The following VEPH1 variants were observed in gnomAD, a reference collection of about 807,000 sequenced individuals.
The protein encoded by VEPH1 is ventricular zone expressed PH domain containing 1.
VEPH1 carries 80 observed loss-of-function variants against 85.2 expected under a neutral mutation model. The observed-to-expected ratio is 0.94, with a 90% CI of 0.78 to 1.13. The LOEUF is 1.13. Ranked by LOEUF, VEPH1 falls within the 50% of genes most tolerant of loss-of-function variation. VEPH1 has a pLI of 0.00. For synonymous variants in VEPH1, 297 were observed against 348.0 expected, an observed-to-expected ratio of 0.85 and a Z score of 1.63; for missense variants, 955 against 980.5, an observed-to-expected ratio of 0.97 and a Z score of 0.35.
intron 2 of VEPH1, among the ~76,000 whole-genome samples, chr3:157,479,738 C>T (rs1406557520): frequency 4.6e-5 from 7 of 152,212 alleles, no homozygotes; most frequent in Non-Finnish European, 1.0e-4. Flanking sequence ...CAGGCAATCA[C>T]TCATCTCTCT....
intron 4 of VEPH1, chr3:157,437,504 G>C (rs2109189171): frequency 6.2e-7 from 1 of 1,600,140 alleles, no homozygotes; most frequent in East Asian, 2.3e-5. Flanking sequence ...TGTGTATCCC[G>C]TACTCTAGCC....
rs115946832 is a variant in VEPH1 at position 157,300,149 on chromosome 3, G to A, written c.2010+13472C>T. On this transcript the variant is annotated intron_variant, in intron 11 of 13. Coordinates refer to ENST00000362010, the MANE Select transcript of VEPH1 (RefSeq NM_001167912.2). ...TTATTCTAATAGTATAGTGCCTGGTGTTTGTTGGCATTCACATAATATCCA... is the reference window on the plus strand; with the variant it reads ...TTATTCTAATAGTATAGTGCCTGGTATTTGTTGGCATTCACATAATATCCA... 6.3e-3 allele frequency among the ~76,000 whole-genome samples: 954 copies of A among 152,070 alleles called. 18 individuals carry two copies. The highest frequency in any genetic ancestry group is 0.022 in the African/African-American group (895 of 41,454).
chr3:157,466,086 T>C (rs984382457), intron 3 of VEPH1, among the ~76,000 whole-genome samples: 1 of 152,228 alleles, frequency 6.6e-6, no homozygotes, highest in African/African-American at 2.4e-5. Context: ...GCTATGTCAA[T>C]AATTATAATG....
chr3:157,317,920 G>GT (rs1720920792), intron 9 of VEPH1, among the ~76,000 whole-genome samples: 1 of 152,166 alleles, frequency 6.6e-6, no homozygotes. Flanking sequence ...ACTTCCACAT[G>GT]TGTTATGTGT....
At chr3:157,486,974 C>T (rs985646320) in intron 2 of VEPH1, among the ~76,000 whole-genome samples, 1 of 151,856 alleles carries the variant, frequency 6.6e-6, no homozygotes, top group Non-Finnish European at 1.5e-5. Context: ...TTAGAATTTA[C>T]AATAAAAACA....
chr3:157,334,104 A>T (rs1459720335), intron 9 of VEPH1, among the ~76,000 whole-genome samples: 1 of 152,222 alleles, frequency 6.6e-6, no homozygotes, highest in Non-Finnish European at 1.5e-5. Context: ...AAACTCATTG[A>T]CGCTCCTGTT....
intron 4 of VEPH1, among the ~76,000 whole-genome samples, chr3:157,452,540 C>T (rs1305506731): frequency 6.6e-6 from 1 of 152,150 alleles, no homozygotes; most frequent in African/African-American, 2.4e-5. Context: ...TGAGTGAGTT[C>T]CCTGGCAATA....
At chr3:157,369,198 A>AAAAAAAAAAAAAAAAAC (rs1727196307) in intron 7 of VEPH1, among the ~76,000 whole-genome samples, 1 of 148,168 alleles carries the variant, frequency 6.7e-6, no homozygotes, top group African/African-American at 2.5e-5. Flanking sequence ...AAAAAAAAAA[A>AAAAAAAAAAAAAAAAAC]AAAAAACCTC....
At position 157,339,467 on chromosome 3, in the gene VEPH1, T is replaced by G. The variant is rs181381269; in HGVS notation, c.1736-22266A>C. On this transcript the variant is annotated intron_variant, in intron 9 of 13. Transcript: ENST00000362010. ...AAGGTGGCAATCCTGTTCCTCACCC[T>G]GTGCTGTTGTTGCCAAGCACTGGGC... is the stretch of plus-strand genomic sequence containing the variant. 1.2e-4 allele frequency among the ~76,000 whole-genome samples: 18 copies of G among 152,312 alleles called. No homozygotes were observed. The East Asian group carries it at 2.5e-3, about 21-fold the overall frequency.
At chr3:157,390,691 A>C (rs1208418617) in intron 6 of VEPH1, among the ~76,000 whole-genome samples, 1 of 152,216 alleles carries the variant, frequency 6.6e-6, no homozygotes, top group African/African-American at 2.4e-5. Context: ...CTGGAGAGGA[A>C]AATGCTGGAA....
chr3:157,489,154 C>A (rs1205541179), intron 2 of VEPH1: 2 of 456,376 alleles, frequency 4.4e-6, no homozygotes, highest in African/African-American at 4.0e-5. Context: ...TCTTGCCTTT[C>A]CACAGACTGT....
At chr3:157,380,602 C>T (rs1312461169) in intron 7 of VEPH1, among the ~76,000 whole-genome samples, 2 of 152,218 alleles carry the variant, frequency 1.3e-5, no homozygotes, top group East Asian at 3.8e-4. Context: ...TCAGAGGAAA[C>T]TCTTCTGATA....
chr3:157,481,260 G>T (rs1003493340), intron 2 of VEPH1, among the ~76,000 whole-genome samples: 1 of 151,766 alleles, frequency 6.6e-6, no homozygotes, highest in Non-Finnish European at 1.5e-5. Flanking sequence ...TGTTTACTTT[G>T]TTGATAGTTT....
At chr3:157,484,538 G>A (rs1296552778) in intron 2 of VEPH1, among the ~76,000 whole-genome samples, 1 of 152,072 alleles carries the variant, frequency 6.6e-6, no homozygotes, top group East Asian at 1.9e-4. Flanking sequence ...AAAGAAAGGT[G>A]AAAAAAGAAA....
At chr3:157,315,773 G>T (rs186989681) in intron 10 of VEPH1, 64 of 149,302 alleles carry the variant, frequency 4.3e-4, no homozygotes, top group African/African-American at 1.5e-3. Context: ...ATACTGAGGG[G>T]CAAAAAAACC....
chr3:157,295,460 CA>C (rs758679916), intron 11 of VEPH1, among the ~76,000 whole-genome samples: 3 of 151,776 alleles, frequency 2.0e-5, no homozygotes, highest in Non-Finnish European at 4.4e-5. Context: ...AAAGAATTAT[CA>C]TTTTGTTGAC....
intron 2 of VEPH1, among the ~76,000 whole-genome samples, chr3:157,484,134 C>G (rs1408865762): frequency 1.3e-5 from 2 of 152,118 alleles, no homozygotes; most frequent in East Asian, 3.8e-4. Context: ...AATGACAGCA[C>G]ATTTCATAAC....
intron 9 of VEPH1, among the ~76,000 whole-genome samples, chr3:157,352,824 A>G (rs1428881803): frequency 6.6e-6 from 1 of 152,218 alleles, no homozygotes; most frequent in African/African-American, 2.4e-5. Context: ...GTGTTTTTCA[A>G]GTTTCTTTAA....
intron 2 of VEPH1, among the ~76,000 whole-genome samples, chr3:157,474,249 T>C (rs1490736017): frequency 6.6e-6 from 1 of 152,142 alleles, no homozygotes; most frequent in African/African-American, 2.4e-5. Flanking sequence ...CTTTATGAAT[T>C]TTATTGCTAT....
Sources: allele counts gnomAD v4.1 joint callset (sites outside exome capture counted in the v4.1 genomes callset), GRCh38; gene constraint gnomAD v4.1.1; transcripts MANE v1.5; gene names NCBI Gene and HGNC (gene_info 2026-07-23, HGNC 2026-07-21).